The following AGTPBP1 variants were observed in gnomAD, a reference collection of about 807,000 sequenced individuals.
The protein encoded by AGTPBP1 is cytosolic carboxypeptidase 1.
AGTPBP1 carries 70 observed loss-of-function variants against 143.9 expected under a neutral mutation model. That is an observed-to-expected ratio of 0.49 (90% CI 0.40 to 0.59). AGTPBP1 has a LOEUF of 0.59. Ranked by LOEUF, AGTPBP1 falls within the 20% of genes least tolerant of loss-of-function variation. The pLI is 0.00. For missense variants in AGTPBP1, 1,229 were observed against 1,464.5 expected (o/e 0.84, Z 2.62); for synonymous variants, 463 against 500.2 (o/e 0.93, Z 0.99).
intron 8 of AGTPBP1, among the ~76,000 whole-genome samples, chr9:85,662,118 G>A (rs1259790171): frequency 6.6e-6 from 1 of 152,114 alleles, no homozygotes; most frequent in Non-Finnish European, 1.5e-5. Context: ...GCATGACTAG[G>A]TGTAGGTAAA....
chr9:85,649,357 T>C (rs575993086), intron 11 of AGTPBP1, among the ~76,000 whole-genome samples: 1 of 152,312 alleles, frequency 6.6e-6, no homozygotes, highest in South Asian at 2.1e-4. Context: ...TCCCTTTATG[T>C]TTTCTATGTG....
chr9:85,662,207 C>T (rs890780753), intron 8 of AGTPBP1, among the ~76,000 whole-genome samples: 1 of 152,084 alleles, frequency 6.6e-6, no homozygotes, highest in Admixed American at 6.6e-5. Flanking sequence ...TAATCGAGGA[C>T]TAGGCACAGG....
At chr9:85,643,014 T>C in intron 12 of AGTPBP1, 71 bp from the exon 13 acceptor site, 3 of 972,802 alleles carry the variant, frequency 3.1e-6, no homozygotes, top group Non-Finnish European at 4.7e-6. Flanking sequence ...CATTTTAGAT[T>C]TAAAATGTTC....
At chr9:85,582,401 G>A (rs1300503036) in intron 23 of AGTPBP1, among the ~76,000 whole-genome samples, 1 of 152,150 alleles carries the variant, frequency 6.6e-6, no homozygotes, top group Non-Finnish European at 1.5e-5. Flanking sequence ...TTTAGGCTGG[G>A]CGCGATGGCT....
chr9:85,720,922 T>C (rs1305589623), intron 1 of AGTPBP1, among the ~76,000 whole-genome samples: 1 of 152,230 alleles, frequency 6.6e-6, no homozygotes, highest in African/African-American at 2.4e-5. Flanking sequence ...TTCCGTTATG[T>C]ACCCAGTAGT....
chr9:85,639,307 G>A (rs898278590), intron 13 of AGTPBP1, among the ~76,000 whole-genome samples: 10 of 151,632 alleles, frequency 6.6e-5, no homozygotes, highest in African/African-American at 2.4e-4. Flanking sequence ...GTAATTATAG[G>A]AGGAAAATTT....
the AGTPBP1 span, among the ~76,000 whole-genome samples, chr9:85,783,622 ATTGTTTTTTTT>A: frequency 6.6e-6 from 1 of 151,410 alleles, no homozygotes; most frequent in African/African-American, 2.4e-5. Flanking sequence ...TATTTGGTGC[ATTGTTTTTTTT>A]TTGTTTGTTT....
chr9:85,763,980 A>G, the AGTPBP1 span, among the ~76,000 whole-genome samples: 5 of 152,340 alleles, frequency 3.3e-5, no homozygotes, highest in South Asian at 2.1e-4. Context: ...GATCAGAATG[A>G]AATACGAGTA....
At chr9:85,699,747 C>T (rs1297198583) in intron 2 of AGTPBP1, among the ~76,000 whole-genome samples, 3 of 152,116 alleles carry the variant, frequency 2.0e-5, no homozygotes, top group African/African-American at 7.2e-5. Context: ...TTTATTCTGG[C>T]TTTAATCACA....
chr9:85,728,830 T>C (rs773537912), intron 1 of AGTPBP1, among the ~76,000 whole-genome samples: 1 of 152,170 alleles, frequency 6.6e-6, no homozygotes, highest in Non-Finnish European at 1.5e-5. Flanking sequence ...TGACTTGGAC[T>C]ATATTTTTAT....
intron 25 of AGTPBP1, among the ~76,000 whole-genome samples, chr9:85,557,723 A>G (rs1271585749): frequency 6.6e-6 from 1 of 152,236 alleles, no homozygotes; most frequent in Non-Finnish European, 1.5e-5. Flanking sequence ...AGAATTACCT[A>G]TATTAATTTA....
At chr9:85,609,103 G>A (rs544084312) in intron 17 of AGTPBP1, among the ~76,000 whole-genome samples, 2 of 152,226 alleles carry the variant, frequency 1.3e-5, no homozygotes, top group African/African-American at 4.8e-5. Flanking sequence ...ATCTCATGGA[G>A]TGTATGTGTG....
chr9:85,678,253 G>C, intron 5 of AGTPBP1, 82 bp downstream of exon 5: 1 of 945,996 alleles, frequency 1.1e-6, no homozygotes, highest in Non-Finnish European at 1.6e-6. Context: ...AAGAGTATCG[G>C]AAAATTCCAA....
chr9:85,714,922 A>C (rs1837606687), intron 1 of AGTPBP1, among the ~76,000 whole-genome samples: 1 of 152,078 alleles, frequency 6.6e-6, no homozygotes, highest in Non-Finnish European at 1.5e-5. Flanking sequence ...TGCCTAAAAA[A>C]CTTCTAACAG....
chr9:85,752,884 A>G, the AGTPBP1 span, among the ~76,000 whole-genome samples: 1,252 of 152,242 alleles, frequency 8.2e-3, 18 homozygotes, highest in African/African-American at 0.029. Context: ...ATGTGGTGGT[A>G]CACATCTGTA....
chr9:85,805,045 G>C, the AGTPBP1 span, among the ~76,000 whole-genome samples: 1 of 152,186 alleles, frequency 6.6e-6, no homozygotes, highest in Non-Finnish European at 1.5e-5. Flanking sequence ...ACCCGCTTGA[G>C]GAGAGCCCTT....
At chr9:85,698,897 G>C (rs1364837980) in intron 2 of AGTPBP1, among the ~76,000 whole-genome samples, 3 of 151,538 alleles carry the variant, frequency 2.0e-5, no homozygotes, top group African/African-American at 7.3e-5. Context: ...GTTTCACTGT[G>C]TTAGCCAGGA....
At chr9:85,697,580 G>A (rs1836345962) in intron 2 of AGTPBP1, among the ~76,000 whole-genome samples, 1 of 149,484 alleles carries the variant, frequency 6.7e-6, no homozygotes, top group African/African-American at 2.5e-5. Flanking sequence ...AGCCTCCTGA[G>A]TAGCTGGGAC....
the AGTPBP1 span, among the ~76,000 whole-genome samples, chr9:85,791,778 A>C: frequency 6.6e-6 from 1 of 151,842 alleles, no homozygotes; most frequent in African/African-American, 2.4e-5. Flanking sequence ...TATTTTTCAT[A>C]CTGGTATATT....
Sources: gnomAD v4.1 joint callset for allele counts (sites outside exome capture counted in the v4.1 genomes callset) on GRCh38, gnomAD v4.1.1 for gene constraint, MANE v1.5 for transcripts, NCBI Gene and HGNC (gene_info 2026-07-23, HGNC 2026-07-21) for gene names.